PDE1A: variants seen among roughly 807,000 people sequenced by gnomAD.
PDE1A encodes phosphodiesterase 1A, also known as dual specificity calcium/calmodulin-dependent 3',5'-cyclic nucleotide phosphodiesterase 1A.
A neutral mutation model predicts 61.7 loss-of-function variants in PDE1A; 35 were observed. The ratio of observed to expected loss-of-function variants is 0.57; its 90% confidence interval spans 0.43 to 0.75. The LOEUF is 0.75. Ranked by LOEUF, PDE1A falls within the 30% of genes least tolerant of loss-of-function variation. The pLI is 0.00. For synonymous variants in PDE1A, 232 were observed against 213.2 expected (o/e 1.09, Z -0.77); for missense variants, 597 against 630.6 (o/e 0.95, Z 0.57).
intron 7 of PDE1A, among the ~76,000 whole-genome samples, chr2:182,220,613 T>C (rs116519746): frequency 8.5e-5 from 13 of 152,212 alleles, no homozygotes; most frequent in Non-Finnish European, 1.9e-4. Flanking sequence ...ACATGTAGCC[T>C]GGCATTTTCT....
At chr2:182,227,867 G>T (rs1191810017) in intron 6 of PDE1A, among the ~76,000 whole-genome samples, 1 of 152,054 alleles carries the variant, frequency 6.6e-6, no homozygotes, top group African/African-American at 2.4e-5. Flanking sequence ...TCTGTAGACT[G>T]ATCAGAGAAA....
the PDE1A span, among the ~76,000 whole-genome samples, chr2:182,699,280 C>A: frequency 6.6e-6 from 1 of 152,202 alleles, no homozygotes; most frequent in Non-Finnish European, 1.5e-5. Context: ...CATTCTATTG[C>A]TTTTCCCAGT....
chr2:182,410,427 A>G (rs1233120906), intron 1 of PDE1A, among the ~76,000 whole-genome samples: 3 of 152,184 alleles, frequency 2.0e-5, no homozygotes, highest in Non-Finnish European at 2.9e-5. Flanking sequence ...ATGAATAAAC[A>G]TTTATCAGAG....
the PDE1A span, among the ~76,000 whole-genome samples, chr2:182,699,157 T>G: frequency 1.3e-5 from 2 of 152,194 alleles, no homozygotes; most frequent in African/African-American, 4.8e-5. Context: ...GGTGGTAATA[T>G]TCTCACTCCA....
the PDE1A span, among the ~76,000 whole-genome samples, chr2:182,627,427 T>C: frequency 1.1e-5 from 1 of 88,690 alleles, no homozygotes. Context: ...ATATTATATT[T>C]AAATATATAT....
At chr2:182,693,700 G>A in the PDE1A span, among the ~76,000 whole-genome samples, 3 of 147,274 alleles carry the variant, frequency 2.0e-5, no homozygotes, top group East Asian at 4.0e-4. Context: ...AGGTTGGAGT[G>A]CAATGGCGCA....
At chr2:182,204,493 C>T (rs1574681454) in intron 8 of PDE1A, among the ~76,000 whole-genome samples, 2 of 152,142 alleles carry the variant, frequency 1.3e-5, no homozygotes, top group South Asian at 4.1e-4. Flanking sequence ...CTCTTCCATT[C>T]TCCTCCTCAG....
At chr2:182,507,595 C>T (rs1421473402) in intron 2 of PDE1A, among the ~76,000 whole-genome samples, 1 of 151,754 alleles carries the variant, frequency 6.6e-6, no homozygotes, top group East Asian at 1.9e-4. Flanking sequence ...GGTGTATGGC[C>T]AAGAGTAAGT....
intron 2 of PDE1A, among the ~76,000 whole-genome samples, chr2:182,436,612 C>T (rs1684433995): frequency 2.0e-5 from 3 of 151,884 alleles, no homozygotes; most frequent in African/African-American, 7.3e-5. Flanking sequence ...CTTTACATGA[C>T]CCAATGGAAA....
At chr2:182,494,738 C>T (rs559591375) in intron 2 of PDE1A, among the ~76,000 whole-genome samples, 11 of 152,146 alleles carry the variant, frequency 7.2e-5, no homozygotes, top group African/African-American at 2.6e-4. Context: ...CCCTCCCAAG[C>T]CCAGGCCTGC....
the PDE1A span, among the ~76,000 whole-genome samples, chr2:182,691,166 T>C: frequency 0.013 from 1,988 of 152,246 alleles, 27 homozygotes; most frequent in Non-Finnish European, 0.022. Flanking sequence ...CTTCACAGAA[T>C]TGGAAAAAAC....
At chr2:182,189,431 A>T (rs1685504330) in intron 10 of PDE1A, among the ~76,000 whole-genome samples, 1 of 152,228 alleles carries the variant, frequency 6.6e-6, no homozygotes, top group Non-Finnish European at 1.5e-5. Context: ...TAATTTATTT[A>T]TGCCAAGTAT....
intron 1 of PDE1A, among the ~76,000 whole-genome samples, chr2:182,372,942 T>G (rs766386908): frequency 6.6e-6 from 1 of 152,122 alleles, no homozygotes; most frequent in Non-Finnish European, 1.5e-5. Flanking sequence ...AAAGGAACAA[T>G]GTGCAGGCCA....
chr2:182,268,452 T>TATATATAC (rs1272099671), intron 1 of PDE1A, among the ~76,000 whole-genome samples: 1 of 152,020 alleles, frequency 6.6e-6, no homozygotes, highest in East Asian at 1.9e-4. Flanking sequence ...AAACCACACT[T>TATATATAC]ATATATACAT....
downstream of PDE1A, chr2:182,167,819 G>A (rs1004649205): frequency 2.5e-5 from 17 of 682,230 alleles, no homozygotes; most frequent in Non-Finnish European, 2.8e-5. Flanking sequence ...TAGAATTAAT[G>A]TAAAAGATAA....
At chr2:182,444,548 T>C (rs1046585685) in intron 2 of PDE1A, among the ~76,000 whole-genome samples, 1 of 152,084 alleles carries the variant, frequency 6.6e-6, no homozygotes, top group Non-Finnish European at 1.5e-5. Flanking sequence ...CATATCTATA[T>C]TGTACTTGAG....
rs976985503 is a variant in PDE1A at position 182,294,906 on chromosome 2, G to T, written c.54-30492C>A. ...TAAGGGAACAGAGGGAAACAGAAAT[G>T]CCAGGAAAGAGAAACCTTTGGCCCA... On this transcript the variant is annotated intron_variant, in intron 1 of 13. Coordinates refer to ENST00000351439, the Ensembl canonical transcript of PDE1A. Among the ~76,000 whole-genome samples, 5 of 151,976 alleles carry T rather than the reference G, an allele frequency of 3.3e-5. No homozygotes were observed. In the South Asian group the frequency reaches 1.0e-3, roughly 32 times the overall value.
chr2:182,481,156 A>G (rs2125844357), intron 2 of PDE1A, among the ~76,000 whole-genome samples: 1 of 152,094 alleles, frequency 6.6e-6, no homozygotes, highest in East Asian at 1.9e-4. Flanking sequence ...AAGCAATCGA[A>G]AAGTTTTGAA....
chr2:182,577,828 G>A, the PDE1A span, among the ~76,000 whole-genome samples: 1 of 152,082 alleles, frequency 6.6e-6, no homozygotes, highest in Admixed American at 6.6e-5. Flanking sequence ...GCTGAGGTAG[G>A]AGAATCGCTT....
Sources: allele counts gnomAD v4.1 joint callset (sites outside exome capture counted in the v4.1 genomes callset), GRCh38; gene constraint gnomAD v4.1.1; transcripts MANE v1.5; gene names NCBI Gene and HGNC (gene_info 2026-07-23, HGNC 2026-07-21).